HPSE2: variants seen among roughly 807,000 people sequenced by gnomAD.
HPSE2 encodes heparanase 2 (inactive).
HPSE2 carries 38 observed loss-of-function variants against 60.5 expected under a neutral mutation model. That is an observed-to-expected ratio of 0.63 (90% CI 0.48 to 0.82). The LOEUF is 0.82. Among genes scored for constraint, HPSE2 ranks in the 40% least tolerant of loss-of-function variants. The pLI is 0.00. For synonymous variants in HPSE2, 295 were observed against 293.2 expected, an observed-to-expected ratio of 1.01 and a Z score of -0.06; for missense variants, 713 against 740.4, an observed-to-expected ratio of 0.96 and a Z score of 0.43.
intron 8 of HPSE2, among the ~76,000 whole-genome samples, chr10:98,617,458 T>C (rs944289765): frequency 6.6e-6 from 1 of 152,172 alleles, no homozygotes; most frequent in Non-Finnish European, 1.5e-5. Context: ...TTTACTAGTG[T>C]ATAGGAAGAT....
At chr10:98,689,379 C>T (rs1002286811) in intron 6 of HPSE2, among the ~76,000 whole-genome samples, 4 of 152,082 alleles carry the variant, frequency 2.6e-5, no homozygotes, top group Non-Finnish European at 5.9e-5. Context: ...CTTGACAAGC[C>T]CATCCAATGA....
At chr10:98,542,264 G>A (rs527977826) in intron 9 of HPSE2, among the ~76,000 whole-genome samples, 2 of 152,200 alleles carry the variant, frequency 1.3e-5, no homozygotes, top group African/African-American at 2.4e-5. Context: ...TGCAGCTGAG[G>A]GTCCTGTCTG....
At chr10:98,674,049 C>T (rs10883155) in intron 6 of HPSE2, among the ~76,000 whole-genome samples, 1 of 152,090 alleles carries the variant, frequency 6.6e-6, no homozygotes, top group South Asian at 2.1e-4. Flanking sequence ...CCAGGTCATG[C>T]GGATGCTGTT....
chr10:98,909,900 G>C (rs1436670253), intron 3 of HPSE2, among the ~76,000 whole-genome samples: 6 of 152,058 alleles, frequency 3.9e-5, no homozygotes, highest in African/African-American at 1.2e-4. Flanking sequence ...TGAAAACTCT[G>C]ATGACACAAA....
chr10:98,536,655 A>G (rs115316789), intron 9 of HPSE2, among the ~76,000 whole-genome samples: 3,176 of 152,284 alleles, frequency 0.021, 95 homozygotes, highest in African/African-American at 0.071. Flanking sequence ...GTGCTGGAGA[A>G]TTAGCTCATT....
intron 3 of HPSE2, among the ~76,000 whole-genome samples, chr10:98,953,791 C>T (rs369505300): frequency 8.5e-5 from 13 of 152,284 alleles, no homozygotes; most frequent in African/African-American, 3.1e-4. Flanking sequence ...TTCACCTCGG[C>T]TCTGCCTTTT....
intron 5 of HPSE2, among the ~76,000 whole-genome samples, chr10:98,708,945 G>A (rs1323963950): frequency 6.6e-6 from 1 of 152,172 alleles, no homozygotes; most frequent in Non-Finnish European, 1.5e-5. Context: ...CAGTCAATGA[G>A]TTTGGAGTAT....
At chr10:99,102,777 AC>A (rs1844063957) in intron 3 of HPSE2, among the ~76,000 whole-genome samples, 1 of 152,206 alleles carries the variant, frequency 6.6e-6, no homozygotes, top group East Asian at 1.9e-4. Flanking sequence ...CAAAAAGCTT[AC>A]CCACCATGAT....
chr10:99,156,737 A>G (rs1344694640), intron 2 of HPSE2, among the ~76,000 whole-genome samples: 4 of 129,798 alleles, frequency 3.1e-5, no homozygotes, highest in African/African-American at 5.1e-5. Flanking sequence ...CATAGTGTTG[A>G]AAGTTCTGGC....
chr10:98,565,367 C>A (rs1276302843), intron 9 of HPSE2, among the ~76,000 whole-genome samples: 1 of 152,050 alleles, frequency 6.6e-6, no homozygotes, highest in Non-Finnish European at 1.5e-5. Flanking sequence ...GTTTGTTCCC[C>A]TCCCTGTGTC....
chr10:98,794,417 G>C (rs1950727053), intron 3 of HPSE2, among the ~76,000 whole-genome samples: 1 of 151,946 alleles, frequency 6.6e-6, no homozygotes, highest in African/African-American at 2.4e-5. Context: ...CTATTATTTT[G>C]TATTTTTAGT....
intron 3 of HPSE2, among the ~76,000 whole-genome samples, chr10:99,033,129 T>C (rs1226696879): frequency 6.6e-6 from 1 of 152,180 alleles, no homozygotes. Context: ...AAAAGGTATG[T>C]AGAAAACAAT....
chr10:98,822,215 A>C (rs748403144), intron 3 of HPSE2, among the ~76,000 whole-genome samples: 2 of 152,178 alleles, frequency 1.3e-5, no homozygotes, highest in Non-Finnish European at 2.9e-5. Context: ...TCAACCCAGG[A>C]AAGACAATTC....
Position 99,021,211 on chromosome 10 carries a change from C to T in HPSE2, c.610+123027G>A, listed in dbSNP as rs186996267. ...AATGCATAAATGGTGTGGACAATGG[C>T]ATCAATCTGCACTTATAAACATTAA... On this transcript the variant is annotated intron_variant, in intron 3 of 11. Transcript: ENST00000370552. 6.6e-4 allele frequency among the ~76,000 whole-genome samples: 101 copies of T among 152,264 alleles called. 1 individual carries two copies. In the East Asian group the frequency reaches 0.012, roughly 18 times the overall value.
chr10:98,712,656 C>A (rs1487568771), intron 5 of HPSE2, among the ~76,000 whole-genome samples: 1 of 152,100 alleles, frequency 6.6e-6, no homozygotes, highest in Non-Finnish European at 1.5e-5. Context: ...GTGGCAAAGA[C>A]CATTATTTGC....
chr10:98,676,505 G>A (rs892004279), intron 6 of HPSE2, among the ~76,000 whole-genome samples: 5 of 152,208 alleles, frequency 3.3e-5, no homozygotes, highest in African/African-American at 1.2e-4. Flanking sequence ...ACCTTAGTCA[G>A]TGAGCCAGAA....
intron 3 of HPSE2, among the ~76,000 whole-genome samples, chr10:99,141,724 A>C (rs1331224651): frequency 1.3e-5 from 2 of 152,222 alleles, no homozygotes; most frequent in African/African-American, 2.4e-5. Context: ...GTAATGCAGA[A>C]TATGAAGGCA....
At chr10:98,841,706 A>T (rs970748704) in intron 3 of HPSE2, among the ~76,000 whole-genome samples, 9 of 152,178 alleles carry the variant, frequency 5.9e-5, no homozygotes, top group Middle Eastern at 3.2e-3. Context: ...TTTACTGTAT[A>T]TGCTAACATG....
intron 3 of HPSE2, among the ~76,000 whole-genome samples, chr10:99,123,620 C>T (rs527570727): frequency 1.3e-5 from 2 of 152,198 alleles, no homozygotes; most frequent in African/African-American, 4.8e-5. Flanking sequence ...GTCCTGTGTC[C>T]AGGAATAATG....
Sources: allele counts gnomAD v4.1 joint callset (sites outside exome capture counted in the v4.1 genomes callset), GRCh38; gene constraint gnomAD v4.1.1; transcripts MANE v1.5; gene names NCBI Gene and HGNC (gene_info 2026-07-23, HGNC 2026-07-21).